ARHGAP44: variants seen among roughly 807,000 people sequenced by gnomAD.
The protein encoded by ARHGAP44 is Rho GTPase activating protein 44.
A neutral mutation model predicts 106.8 loss-of-function variants in ARHGAP44; 43 were observed. The ratio of observed to expected loss-of-function variants is 0.40; its 90% CI spans 0.32 to 0.52. The LOEUF (loss-of-function observed/expected upper bound fraction) is 0.52, where lower values mean the gene tolerates loss of function less well. Ranked by LOEUF, ARHGAP44 falls within the 20% of genes least tolerant of loss-of-function variation. The pLI is 0.48. For synonymous variants in ARHGAP44, 439 were observed against 410.3 expected, an observed-to-expected ratio of 1.07 and a Z score of -0.85; for missense variants, 866 against 1,050.5, an observed-to-expected ratio of 0.82 and a Z score of 2.43.
intron 16 of ARHGAP44, among the ~76,000 whole-genome samples, chr17:12,961,816 C>T (rs1026977874): frequency 6.6e-6 from 1 of 152,076 alleles, no homozygotes; most frequent in Non-Finnish European, 1.5e-5. Flanking sequence ...AGCATCTGTG[C>T]GTACGTTTTA....
chr17:12,847,890 C>T (rs960110092), intron 1 of ARHGAP44, among the ~76,000 whole-genome samples: 6 of 152,102 alleles, frequency 3.9e-5, no homozygotes, highest in East Asian at 3.9e-4. Flanking sequence ...CAGCTGTGCC[C>T]GTGTCTTTGT....
At chr17:12,793,430 G>A (rs971878599) in intron 1 of ARHGAP44, among the ~76,000 whole-genome samples, 4 of 152,134 alleles carry the variant, frequency 2.6e-5, no homozygotes, top group East Asian at 1.9e-4. Context: ...ATTCTAGGCC[G>A]GGCGTGGTGG....
chr17:12,884,494 ATTG>A (rs2036828634), intron 1 of ARHGAP44, among the ~76,000 whole-genome samples: 2 of 152,276 alleles, frequency 1.3e-5, no homozygotes, highest in South Asian at 4.2e-4. Flanking sequence ...TTCACATGAT[ATTG>A]TTGTCTTGTA....
chr17:12,967,129 G>A (rs1182214016), intron 16 of ARHGAP44, among the ~76,000 whole-genome samples: 1 of 147,360 alleles, frequency 6.8e-6, no homozygotes, highest in Non-Finnish European at 1.5e-5. Context: ...TGCTGGGGCA[G>A]GTCTTTGTTT....
intron 1 of ARHGAP44, among the ~76,000 whole-genome samples, chr17:12,848,909 G>A (rs1175085977): frequency 4.6e-5 from 7 of 152,042 alleles, no homozygotes; most frequent in African/African-American, 1.4e-4. Flanking sequence ...TTAGCCAGGC[G>A]TGGTGGCGCA....
At chr17:12,884,867 T>C (rs1415914548) in intron 1 of ARHGAP44, among the ~76,000 whole-genome samples, 1 of 152,130 alleles carries the variant, frequency 6.6e-6, no homozygotes, top group Non-Finnish European at 1.5e-5. Flanking sequence ...GTATGAGTGG[T>C]CCATTCCTAT....
intron 1 of ARHGAP44, among the ~76,000 whole-genome samples, chr17:12,862,326 C>T (rs144085186): frequency 1.7e-4 from 26 of 152,254 alleles, no homozygotes; most frequent in Admixed American, 5.2e-4. Flanking sequence ...GCCACTAAGG[C>T]CAACTCTACC....
At chr17:12,911,337 C>T (rs4791519) in intron 4 of ARHGAP44, among the ~76,000 whole-genome samples, 110,092 of 151,088 alleles carry the variant, frequency 0.73, 40,314 homozygotes, top group East Asian at 0.97. Flanking sequence ...TTTTTTTTTT[C>T]CTTAAAAGAC....
intron 1 of ARHGAP44, among the ~76,000 whole-genome samples, chr17:12,843,265 A>C (rs566523398): frequency 4.6e-5 from 7 of 150,674 alleles, no homozygotes; most frequent in Admixed American, 1.3e-4. Context: ...TTCTCCCCCC[A>C]CCTCCCCATC....
In ARHGAP44 at chr17:12,793,312, T is replaced by G. The variant is rs572459187; in HGVS notation, c.53+3421T>G. ...ATGACTGTTATTGAATTATATGCAC[T>G]ATGGCATATGTACCTTTATTAGATG... On this transcript the variant is annotated intron_variant, in intron 1 of 20. Coordinates refer to ENST00000379672, the MANE Select transcript of ARHGAP44 (RefSeq NM_014859.6). Among the ~76,000 whole-genome samples, 131 of 152,366 alleles carry G rather than the reference T, an allele frequency of 8.6e-4. 1 individual carries two copies. In the South Asian group the frequency reaches 0.023, roughly 27 times the overall value.
In ARHGAP44 at chr17:12,991,626, T is replaced by C. The variant is rs1359157957; in HGVS notation, c.*1455T>C. On this transcript the variant is annotated 3_prime_UTR_variant, in exon 21 of 21. Transcript: ENST00000379672. ...GTTGTCAAAAGTAACGTTATTAAAA[T>C]AGATTTATTATCCCTGAGCTTGGCA... 1.1e-5 allele frequency: 2 copies of C among 186,666 alleles called. No homozygotes were observed. The highest frequency in any genetic ancestry group is 2.0e-3 in the Middle Eastern group (1 of 504). The allele number at this position is 186,666 out of a possible 1,614,324, so 11.6% of individuals were successfully genotyped here. A position where few individuals can be genotyped will look rare whatever the true frequency, so the allele number is the denominator to read the frequency against.
Position 12,991,207 on chromosome 17 carries a change from G to C in ARHGAP44, c.*1036G>C, listed in dbSNP as rs1009640990. 3 of 152,590 alleles carry C rather than the reference G, an allele frequency of 2.0e-5. No homozygotes were observed. The highest frequency in any genetic ancestry group is 4.4e-5 in the Non-Finnish European group (3 of 68,060). The allele number at this position is 152,590 out of a possible 1,614,324, so 9.5% of individuals were successfully genotyped here. A position where few individuals can be genotyped will look rare whatever the true frequency, so the allele number is the denominator to read the frequency against. ...TGGGGACGAGGGCCGGGAGGGCACCGGGTAGCCTTTTCACACTTGGGGATT... is the reference window on the plus strand; with the variant it reads ...TGGGGACGAGGGCCGGGAGGGCACCCGGTAGCCTTTTCACACTTGGGGATT... On this transcript the variant is annotated 3_prime_UTR_variant, in exon 21 of 21. Coordinates refer to ENST00000379672, the MANE Select transcript of ARHGAP44 (RefSeq NM_014859.6).
chr17:12,957,583 G>A (rs2039161256), intron 15 of ARHGAP44, among the ~76,000 whole-genome samples: 2 of 152,060 alleles, frequency 1.3e-5, no homozygotes, highest in African/African-American at 2.4e-5. Flanking sequence ...CAATCTCAAA[G>A]GCAATGAGAT....
intron 13 of ARHGAP44, among the ~76,000 whole-genome samples, chr17:12,953,111 A>G (rs1384523800): frequency 4.6e-5 from 7 of 152,140 alleles, no homozygotes. Flanking sequence ...GCTGACCTAC[A>G]TGGGAGCTGG....
At chr17:12,834,834 G>T (rs2035189566) in intron 1 of ARHGAP44, among the ~76,000 whole-genome samples, 1 of 151,702 alleles carries the variant, frequency 6.6e-6, no homozygotes, top group Admixed American at 6.6e-5. Context: ...TATGATGCTA[G>T]CATCTCCTTA....
At chr17:12,808,541 T>A (rs1156473920) in intron 1 of ARHGAP44, among the ~76,000 whole-genome samples, 1 of 152,250 alleles carries the variant, frequency 6.6e-6, no homozygotes, top group Non-Finnish European at 1.5e-5. Flanking sequence ...GCTTGCATCC[T>A]CTGAAGTCAC....
intron 6 of ARHGAP44, among the ~76,000 whole-genome samples, chr17:12,927,766 G>C (rs1174964242): frequency 6.6e-6 from 1 of 152,098 alleles, no homozygotes; most frequent in Non-Finnish European, 1.5e-5. Flanking sequence ...GCTCCCGCCT[G>C]ACTTCCCAAG....
chr17:12,883,902 TG>T (rs2036808211), intron 1 of ARHGAP44, among the ~76,000 whole-genome samples: 1 of 152,192 alleles, frequency 6.6e-6, no homozygotes, highest in Non-Finnish European at 1.5e-5. Flanking sequence ...ACATCTATTG[TG>T]GCAAAATTTC....
At chr17:12,793,560 T>A (rs902912287) in intron 1 of ARHGAP44, among the ~76,000 whole-genome samples, 1 of 152,016 alleles carries the variant, frequency 6.6e-6, no homozygotes, top group Non-Finnish European at 1.5e-5. Flanking sequence ...ATACAAAAAT[T>A]AGCTGGGCAT....
Sources: gnomAD v4.1 joint callset for allele counts (sites outside exome capture counted in the v4.1 genomes callset) on GRCh38, gnomAD v4.1.1 for gene constraint, MANE v1.5 for transcripts, NCBI Gene and HGNC (gene_info 2026-07-23, HGNC 2026-07-21) for gene names.